Variants in ARHGAP40 observed in about 807,000 individuals in gnomAD.
ARHGAP40 encodes the protein rho GTPase-activating protein 40.
A neutral mutation model predicts 73.5 loss-of-function variants in ARHGAP40; 43 were observed. The ratio of observed to expected loss-of-function variants is 0.58; its 90% CI spans 0.46 to 0.75. ARHGAP40 has a LOEUF of 0.75. ARHGAP40 is among the 30% of genes least tolerant of loss of function. The pLI is 0.00. For synonymous variants in ARHGAP40, 300 were observed against 352.8 expected (o/e 0.85, Z 1.68); for missense variants, 734 against 861.8 (o/e 0.85, Z 1.86).
At chr20:38,628,556 G>C (rs551551146) in intron 3 of ARHGAP40, among the ~76,000 whole-genome samples, 3 of 152,006 alleles carry the variant, frequency 2.0e-5, no homozygotes, top group Non-Finnish European at 4.4e-5. Context: ...CACCAGCCTC[G>C]GCCTCCCAAA....
intron 11 of ARHGAP40, among the ~76,000 whole-genome samples, chr20:38,644,841 A>C (rs773377677): frequency 3.3e-5 from 5 of 151,074 alleles, no homozygotes; most frequent in Non-Finnish European, 7.4e-5. Flanking sequence ...ACATCTATCC[A>C]ACTATCTACC....
In ARHGAP40 at chr20:38,621,775, C is replaced by T. The variant is rs562283466; in HGVS notation, c.138-1584C>T. ...ATAGCTAACAAAAATGTTTTAAGGC[C>T]GGGCTCAATGGCTCATTCCTGTAAT... On this transcript the variant is annotated intron_variant, in intron 1 of 14. Coordinates refer to ENST00000373345, the Ensembl canonical transcript of ARHGAP40. Among the ~76,000 whole-genome samples, 19 of 152,240 alleles carry T rather than the reference C, an allele frequency of 1.2e-4. No individual in the cohort carries two copies. In the South Asian group the frequency reaches 3.1e-3, roughly 25 times the overall value.
intron 1 of ARHGAP40, among the ~76,000 whole-genome samples, chr20:38,622,113 T>A (rs114987484): frequency 0.025 from 3,852 of 151,470 alleles, 168 homozygotes; most frequent in African/African-American, 0.089. Context: ...ATATATATTT[T>A]TTTTTTAAAA....
chr20:38,647,330 T>C (rs1190733500), intron 13 of ARHGAP40, among the ~76,000 whole-genome samples: 1 of 152,054 alleles, frequency 6.6e-6, no homozygotes, highest in Non-Finnish European at 1.5e-5. Flanking sequence ...TCATTCACTT[T>C]AATAGGTATT....
At chr20:38,647,108 T>G in exon 13 of ARHGAP40, 1 of 1,304,862 alleles carries the variant, frequency 7.7e-7, no homozygotes, top group Non-Finnish European at 1.0e-6. Context: ...AGTGAGGACA[T>G]GGACAGCCTC....
At chr20:38,640,833 C>T (rs527472239) in intron 9 of ARHGAP40, among the ~76,000 whole-genome samples, 3 of 152,194 alleles carry the variant, frequency 2.0e-5, no homozygotes, top group Non-Finnish European at 4.4e-5. Flanking sequence ...TCATTGCCTG[C>T]GAGGGGCCTT....
At position 38,607,772 on chromosome 20, in the gene ARHGAP40, T is replaced by G. The variant is rs1406166988; in HGVS notation, c.137+5693T>G. Among the ~76,000 whole-genome samples, 3 of 152,188 alleles carry G rather than the reference T, an allele frequency of 2.0e-5. No individual in the cohort carries two copies. The East Asian group carries it at 5.8e-4, about 29-fold the overall frequency. On this transcript the variant is annotated intron_variant, in intron 1 of 14. Coordinates refer to ENST00000373345, the Ensembl canonical transcript of ARHGAP40. ...TTGCCAGTACTGAGTGTTGGCAATCTTTTCTGTGTTTGCCAATCTGATAGA... is the reference window on the plus strand; with the variant it reads ...TTGCCAGTACTGAGTGTTGGCAATCGTTTCTGTGTTTGCCAATCTGATAGA...
At chr20:38,628,853 T>G in intron 3 of ARHGAP40, 74 bp from the exon 4 acceptor site, 1 of 1,122,936 alleles carries the variant, frequency 8.9e-7, no homozygotes, top group Non-Finnish European at 1.2e-6. Context: ...GTGGGTGGCT[T>G]CTGTCTCCCA....
At chr20:38,641,202 G>C (rs1218684756) in intron 9 of ARHGAP40, among the ~76,000 whole-genome samples, 3 of 152,148 alleles carry the variant, frequency 2.0e-5, no homozygotes, top group African/African-American at 7.2e-5. Context: ...GTTCCAGCCA[G>C]CTCTCAGCTG....
chr20:38,639,719 T>C (rs1568611004), intron 9 of ARHGAP40, among the ~76,000 whole-genome samples: 1 of 152,224 alleles, frequency 6.6e-6, no homozygotes, highest in African/African-American at 2.4e-5. Flanking sequence ...GGGTTGAGCT[T>C]ATCAGCATCA....
At chr20:38,617,864 C>T (rs984989345) in intron 1 of ARHGAP40, among the ~76,000 whole-genome samples, 3 of 152,148 alleles carry the variant, frequency 2.0e-5, no homozygotes, top group African/African-American at 4.8e-5. Flanking sequence ...TTCTAAGCAC[C>T]TTAGGTGTAT....
At position 38,643,863 on chromosome 20, in the gene ARHGAP40, G is replaced by T. The variant is rs746846913; in HGVS notation, c.1522G>T (p.Ala508Ser). Residue 508 changes from alanine (A) to serine (S), a missense_variant, in exon 11 of 15, where the codon GCC becomes TCC. Ala to Ser is a moderately conservative substitution (Grantham distance 99). Transcript: ENST00000373345. ...GGAGAAGCAGCTGGCAGAAGGGGCA[G>T]CCGAGGTGGTGCAGATAATGGTGCA... 17 of 1,305,200 alleles carry T rather than the reference G, an allele frequency of 1.3e-5. No individual in the cohort carries two copies. The highest frequency in any genetic ancestry group is 1.7e-5 in the Non-Finnish European group (17 of 988,920). 80.9% of individuals were successfully genotyped at this position (1,305,200 alleles called of 1,614,324 possible). A position where few individuals can be genotyped will look rare whatever the true frequency, so the allele number is the denominator to read the frequency against.
intron 1 of ARHGAP40, among the ~76,000 whole-genome samples, chr20:38,603,941 G>A (rs1471847129): frequency 6.6e-6 from 1 of 152,158 alleles, no homozygotes; most frequent in Non-Finnish European, 1.5e-5. Context: ...AAGGATCCTT[G>A]TGATGACATT....
exon 1 of ARHGAP40, chr20:38,601,991 C>G (rs766546606): frequency 2.3e-6 from 3 of 1,287,960 alleles, no homozygotes; most frequent in East Asian, 1.1e-4. Context: ...GAGGCTGGCC[C>G]CAGGGCCCCT....
Position 38,629,345 on chromosome 20 carries a change from C to A in ARHGAP40, c.635-157C>A, listed in dbSNP as rs74801727. 5.6e-4 allele frequency among the ~76,000 whole-genome samples: 86 copies of A among 152,334 alleles called. 1 individual carries two copies. In the East Asian group the frequency reaches 0.016, roughly 28 times the overall value. On this transcript the variant is annotated intron_variant, in intron 4 of 14. Coordinates refer to ENST00000373345, the Ensembl canonical transcript of ARHGAP40. ...AGGAAATCACTTCCTGGGCAATGAG[C>A]CTGAGCCCTAAACCTAATGATTTGA...
intron 1 of ARHGAP40, 102 bp from the exon 2 acceptor site, chr20:38,623,257 C>T (rs1490469331): frequency 3.2e-6 from 3 of 951,172 alleles, no homozygotes; most frequent in Non-Finnish European, 4.1e-6. Flanking sequence ...TGCTTAGCCC[C>T]CAGGGGCCCA....
intron 2 of ARHGAP40, among the ~76,000 whole-genome samples, chr20:38,625,521 C>T (rs191350884): frequency 1.1e-3 from 164 of 152,232 alleles, no homozygotes; most frequent in Non-Finnish European, 2.6e-4. Flanking sequence ...TGGGTTCAAG[C>T]GATTCTCCTG....
chr20:38,640,926 G>C (rs1013757885), intron 9 of ARHGAP40, among the ~76,000 whole-genome samples: 3 of 152,164 alleles, frequency 2.0e-5, no homozygotes, highest in African/African-American at 7.2e-5. Flanking sequence ...TTCTTTGCTT[G>C]TGTATTATGT....
chr20:38,637,876 C>A, intron 7 of ARHGAP40, 77 bp downstream of exon 7: 1 of 1,131,836 alleles, frequency 8.8e-7, no homozygotes, highest in Non-Finnish European at 1.2e-6. Context: ...CAGGAGACAT[C>A]CAGCAAAGGG....
Sources: gnomAD v4.1 joint callset for allele counts (sites outside exome capture counted in the v4.1 genomes callset) on GRCh38, gnomAD v4.1.1 for gene constraint, MANE v1.5 for transcripts, NCBI Gene and HGNC (gene_info 2026-07-23, HGNC 2026-07-21) for gene names.